MKLN1: variants seen among roughly 807,000 people sequenced by gnomAD.
The protein encoded by MKLN1 is muskelin.
MKLN1 carries 18 observed loss-of-function variants against 99.0 expected under a neutral mutation model. The observed-to-expected ratio is 0.18, with a 90% CI of 0.13 to 0.27. The LOEUF is 0.27. MKLN1 is among the 10% of genes least tolerant of loss of function. MKLN1 has a pLI of 1.00. For synonymous variants in MKLN1, 288 were observed against 293.2 expected (o/e 0.98, Z 0.18); for missense variants, 621 against 875.9 (o/e 0.71, Z 3.67).
intron 10 of MKLN1, among the ~76,000 whole-genome samples, chr7:131,442,874 A>G (rs1196145835): frequency 6.6e-6 from 1 of 152,264 alleles, no homozygotes; most frequent in Non-Finnish European, 1.5e-5. Context: ...CATGAAGTGT[A>G]TAGCTTAATT....
At chr7:131,482,768 A>G (rs755222650) in intron 17 of MKLN1, among the ~76,000 whole-genome samples, 2 of 152,222 alleles carry the variant, frequency 1.3e-5, no homozygotes, top group Non-Finnish European at 2.9e-5. Context: ...TCATACTACT[A>G]GTGATATGCT....
At chr7:131,462,311 C>T (rs976721582) in intron 12 of MKLN1, among the ~76,000 whole-genome samples, 5 of 152,090 alleles carry the variant, frequency 3.3e-5, no homozygotes, top group East Asian at 1.9e-4. Flanking sequence ...ATTACATGCA[C>T]GAGCCACTGC....
At chr7:131,403,767 T>A (rs985697339) in intron 6 of MKLN1, among the ~76,000 whole-genome samples, 3 of 152,108 alleles carry the variant, frequency 2.0e-5, no homozygotes, top group Non-Finnish European at 2.9e-5. Context: ...ACATGGTGCC[T>A]CAAAACAATT....
rs190506447 is a variant in MKLN1 at position 131,199,826 on chromosome 7, T to C, written c.-296-3031T>C. 6.5e-3 allele frequency among the ~76,000 whole-genome samples: 992 copies of C among 152,330 alleles called. 2 individuals carry two copies. Among genetic ancestry groups the C allele is most frequent in the Non-Finnish European group, 0.011 (736 of 68,024 alleles). On this transcript the variant is annotated intron_variant, in intron 2 of 7. Transcript: ENST00000416992. ...CTCGTGTCTCAGCCTCCCAAGTAGC[T>C]GGGACTACAGGTGCGTGCCACCATG...
chr7:131,295,556 A>G (rs1798278356), intron 3 of MKLN1, among the ~76,000 whole-genome samples: 1 of 151,676 alleles, frequency 6.6e-6, no homozygotes, highest in Non-Finnish European at 1.5e-5. Context: ...AGAAAAAAAA[A>G]GGCATAAAGA....
At chr7:131,244,766 G>A (rs1797460320) in intron 3 of MKLN1, among the ~76,000 whole-genome samples, 1 of 152,090 alleles carries the variant, frequency 6.6e-6, no homozygotes. Flanking sequence ...TGGCACAGGG[G>A]TCCTTGATTC....
chr7:131,195,777 C>T (rs1276669993), intron 2 of MKLN1, among the ~76,000 whole-genome samples: 1 of 151,926 alleles, frequency 6.6e-6, no homozygotes, highest in African/African-American at 2.4e-5. Context: ...GTGGTGAAAC[C>T]CTGTCTCTAC....
chr7:131,117,274 CAA>C (rs1304178537), intron 1 of MKLN1, among the ~76,000 whole-genome samples: 1 of 151,766 alleles, frequency 6.6e-6, no homozygotes, highest in Non-Finnish European at 1.5e-5. Context: ...TACTAAAATA[CAA>C]AAAATTAGCT....
chr7:131,177,882 C>T (rs1168331411), intron 2 of MKLN1, among the ~76,000 whole-genome samples: 1 of 152,122 alleles, frequency 6.6e-6, no homozygotes, highest in East Asian at 1.9e-4. Flanking sequence ...GGTAGGAAGT[C>T]CAGGACTGGT....
At chr7:131,211,025 A>G (rs1367382659) in intron 3 of MKLN1, among the ~76,000 whole-genome samples, 4 of 151,810 alleles carry the variant, frequency 2.6e-5, no homozygotes, top group Admixed American at 6.6e-5. Context: ...ATACATTTCT[A>G]TGAAGATACC....
At chr7:131,307,170 G>A (rs1798480044) in intron 3 of MKLN1, among the ~76,000 whole-genome samples, 1 of 152,186 alleles carries the variant, frequency 6.6e-6, no homozygotes, top group East Asian at 1.9e-4. Flanking sequence ...CTTCTATGTG[G>A]TATTGGGCCT....
chr7:131,252,489 C>T (rs747907807), intron 3 of MKLN1, among the ~76,000 whole-genome samples: 76 of 151,890 alleles, frequency 5.0e-4, no homozygotes, highest in African/African-American at 1.1e-3. Flanking sequence ...CCACCATACA[C>T]GGCTAATTTT....
At chr7:131,184,781 C>T (rs1470928028) in intron 2 of MKLN1, among the ~76,000 whole-genome samples, 1 of 152,138 alleles carries the variant, frequency 6.6e-6, no homozygotes, top group Admixed American at 6.5e-5. Context: ...CCCGCCTTGG[C>T]CTCCAAAGTG....
At chr7:131,374,022 G>GT (rs1321401414) in intron 1 of MKLN1, among the ~76,000 whole-genome samples, 1 of 151,948 alleles carries the variant, frequency 6.6e-6, no homozygotes, top group Non-Finnish European at 1.5e-5. Flanking sequence ...GGGGTTATTT[G>GT]TATCAATATA....
At chr7:131,467,245 C>T (rs776511700) in intron 15 of MKLN1, among the ~76,000 whole-genome samples, 5 of 152,044 alleles carry the variant, frequency 3.3e-5, no homozygotes, top group Admixed American at 6.5e-5. Context: ...CAGAGTTCAC[C>T]GCTTAACCCT....
intron 6 of MKLN1, among the ~76,000 whole-genome samples, chr7:131,409,803 C>T (rs1794819531): frequency 1.3e-5 from 2 of 152,100 alleles, no homozygotes; most frequent in Admixed American, 1.3e-4. Flanking sequence ...TAGCACATAG[C>T]AAGAAGTCCA....
At chr7:131,300,517 G>GA (rs1798360793) in intron 3 of MKLN1, among the ~76,000 whole-genome samples, 1 of 49,564 alleles carries the variant, frequency 2.0e-5, no homozygotes, top group South Asian at 6.1e-4. Flanking sequence ...ACTGTCTCTA[G>GA]TTAAAAAAAA....
intron 2 of MKLN1, among the ~76,000 whole-genome samples, chr7:131,162,855 G>A (rs1329939284): frequency 6.6e-6 from 1 of 152,142 alleles, no homozygotes; most frequent in Non-Finnish European, 1.5e-5. Flanking sequence ...GTAAAATATA[G>A]CACTAAAATT....
intron 2 of MKLN1, among the ~76,000 whole-genome samples, chr7:131,144,339 G>T: frequency 6.6e-6 from 1 of 151,618 alleles, no homozygotes; most frequent in Non-Finnish European, 1.5e-5. Flanking sequence ...AAAATTAGCC[G>T]GGCGTGGTGG....
Sources: allele counts gnomAD v4.1 joint callset (sites outside exome capture counted in the v4.1 genomes callset), GRCh38; gene constraint gnomAD v4.1.1; transcripts MANE v1.5; gene names NCBI Gene and HGNC (gene_info 2026-07-23, HGNC 2026-07-21).